RIF1: variants seen among roughly 807,000 people sequenced by gnomAD.
RIF1 encodes telomere-associated protein RIF1.
RIF1 carries 45 observed loss-of-function variants against 247.1 expected under a neutral mutation model. That is an observed-to-expected ratio of 0.18 (90% CI 0.14 to 0.23). RIF1 has a LOEUF of 0.23. RIF1 is among the 10% of genes least tolerant of loss of function. The pLI, the probability that RIF1 is intolerant of heterozygous loss-of-function variation, is 1.00. For synonymous variants in RIF1, 1,087 were observed against 978.8 expected (o/e 1.11, Z -2.06); for missense variants, 2,967 against 2,862.5 (o/e 1.04, Z -0.83).
At chr2:151,500,588 TCTTC>T (rs1019102569) in intron 11 of RIF1, among the ~76,000 whole-genome samples, 3 of 144,194 alleles carry the variant, frequency 2.1e-5, no homozygotes, top group African/African-American at 7.4e-5. Flanking sequence ...AAGATTTCTT[TCTTC>T]CTTTTTTTTT....
intron 10 of RIF1, chr2:151,497,762 T>C: frequency 1.3e-6 from 2 of 1,550,716 alleles, no homozygotes; most frequent in Non-Finnish European, 1.7e-6. Flanking sequence ...ATGAGTAACA[T>C]TTCATTTCTT....
At chr2:151,500,330 A>G (rs996401074) in intron 11 of RIF1, among the ~76,000 whole-genome samples, 6 of 152,172 alleles carry the variant, frequency 3.9e-5, no homozygotes, top group Non-Finnish European at 8.8e-5. Context: ...CCAGAAAAAA[A>G]TCCATCTAAA....
chr2:151,416,392 A>C (rs1687230468), intron 4 of RIF1, among the ~76,000 whole-genome samples, 169 bp from the exon 5 acceptor site: 1 of 152,024 alleles, frequency 6.6e-6, no homozygotes, highest in Admixed American at 6.6e-5. Context: ...TCTAATCTGA[A>C]TTTTGTGTTT....
downstream of RIF1, chr2:151,485,813 G>A: frequency 6.2e-7 from 1 of 1,614,012 alleles, no homozygotes; most frequent in Non-Finnish European, 8.5e-7. Flanking sequence ...CCAGTCCTCT[G>A]CACAGTGCCA....
chr2:151,457,938 A>C lies in RIF1; in HGVS notation c.2830A>C (p.Met944Leu). ...GAATGCCACTTTTGCCAAAGTGATG[A>C]TGTTGGTTTATCCTGAAGAGTTAAA... is the stretch of plus-strand genomic sequence containing the variant. ...FWNATFAKVM[M>L]LVYPEELKPV... The change falls in exon 24 of 36, where the codon ATG (methionine) becomes CTG (leucine). Residue 944 changes from methionine (M) to leucine (L), a missense_variant. Met to Leu is a conservative substitution (Grantham distance 15). Coordinates refer to ENST00000444746, the MANE Select transcript of RIF1 (RefSeq NM_018151.5). The C allele has an allele frequency of 6.2e-7, 1 of 1,613,756 alleles. No individual in the cohort carries two copies. The highest frequency in any genetic ancestry group is 1.1e-5 in the South Asian group (1 of 91,066).
At position 151,463,374 on chromosome 2, in the gene RIF1, A is replaced by C. The variant is rs990908579; in HGVS notation, c.3854A>C (p.Lys1285Thr). The change falls in exon 30 of 36, where the codon AAG (lysine) becomes ACG (threonine). Residue 1285 changes from lysine to threonine, a missense_variant. Physicochemically the swap from Lys to Thr is moderately conservative, Grantham distance 78. This residue lies in a region of RIF1 where 2,028 missense variants were observed against 1,825.6 expected (regional missense o/e 1.11). Coordinates refer to ENST00000444746, the MANE Select transcript of RIF1 (RefSeq NM_018151.5). The stretch of plus-strand genomic sequence containing the variant: ...TCTGAAAAAATAGTGAATGGAACTA[A>C]GAGATCAAGCCGGAGAGCTGGTAAA... ...SDSEKIVNGT[K>T]RSSRRAGKAE... The C allele has an allele frequency of 1.9e-6, 3 of 1,613,960 alleles. No homozygotes were observed. The highest frequency in any genetic ancestry group is 2.5e-6 in the Non-Finnish European group (3 of 1,180,002).
Position 151,441,885 on chromosome 2 carries a change from A to C in RIF1, c.1648-20A>C. ...ATATTTTTACGGCTAATTTACTGTA[A>C]AACCTTTTATCTCTCATAGGTCCTC... On this transcript the variant is annotated intron_variant, in intron 15 of 35. Coordinates refer to ENST00000444746, the MANE Select transcript of RIF1 (RefSeq NM_018151.5). The C allele has an allele frequency of 8.1e-7, 1 of 1,242,200 alleles. No individual in the cohort carries two copies. 76.9% of individuals were successfully genotyped at this position (1,242,200 alleles called of 1,614,324 possible). A position where few individuals can be genotyped will look rare whatever the true frequency, so the allele number is the denominator to read the frequency against.
intron 11 of RIF1, chr2:151,502,852 G>A: frequency 6.2e-7 from 1 of 1,606,112 alleles, no homozygotes; most frequent in African/African-American, 1.3e-5. Context: ...ATAGGTGTTG[G>A]GATTCCTTTC....
chr2:151,485,455 T>C, downstream of RIF1: 1 of 230,548 alleles, frequency 4.3e-6, no homozygotes, highest in Non-Finnish European at 8.4e-6. Flanking sequence ...TGAACATCTC[T>C]GCTATTTTTC....
chr2:151,485,866 T>A (rs1559062038), downstream of RIF1: 1 of 1,613,982 alleles, frequency 6.2e-7, no homozygotes. Context: ...TATGATGGCA[T>A]CTCCATCCTT....
chr2:151,525,353 C>T, the RIF1 span: 4 of 1,017,968 alleles, frequency 3.9e-6, no homozygotes, highest in Admixed American at 2.0e-5. Context: ...GTGAAATCTC[C>T]AGGAAAATCC....
the RIF1 span, chr2:151,514,364 G>A: frequency 5.0e-6 from 8 of 1,613,652 alleles, no homozygotes; most frequent in African/African-American, 6.7e-5. Context: ...CATGTCAGGT[G>A]TATCTTCCAT....
At chr2:151,490,682 T>A (rs2055727790) in intron 9 of RIF1, among the ~76,000 whole-genome samples, 1 of 152,234 alleles carries the variant, frequency 6.6e-6, no homozygotes, top group African/African-American at 2.4e-5. Flanking sequence ...GGTTTGTCTT[T>A]CTTATTTTTA....
chr2:151,514,515 A>G, the RIF1 span: 2 of 1,067,556 alleles, frequency 1.9e-6, no homozygotes, highest in African/African-American at 1.6e-5. Flanking sequence ...AACAATTCCA[A>G]TTTTTAAAGG....
In RIF1 at chr2:151,478,560, CTG is replaced by C. The variant is rs1370115018; in HGVS notation, c.*3491_*3492del. The C allele has an allele frequency of 1.3e-5, 2 of 150,490 alleles. No homozygotes were observed. Among genetic ancestry groups the C allele is most frequent in the African/African-American group, 4.9e-5 (2 of 40,846 alleles). 9.3% of individuals were successfully genotyped at this position (150,490 alleles called of 1,614,324 possible). On this transcript the variant is annotated 3_prime_UTR_variant, in exon 36 of 36. Coordinates refer to ENST00000444746, the MANE Select transcript of RIF1 (RefSeq NM_018151.5). ...CTTGAAGATAAGATAGTTAAAGACT[CTG>C]TTACAATTTAAACATCATAAAAATG...
At position 151,420,361 on chromosome 2, in the gene RIF1, G is replaced by A. The variant is rs377766617; in HGVS notation, c.675G>A (p.Thr225=). The A allele has an allele frequency of 1.1e-5, 18 of 1,614,034 alleles. No individual in the cohort carries two copies. Among genetic ancestry groups the A allele is most frequent in the Middle Eastern group, 1.6e-4 (1 of 6,062 alleles). Residue 225 remains threonine (T), a synonymous_variant, in exon 7 of 36, where the codon ACG becomes ACA. Coordinates refer to ENST00000444746, the MANE Select transcript of RIF1 (RefSeq NM_018151.5). ...AACAGCAAGAAATAGCATCTATTACGGAGCAGCTTATGACTACTGTGAGTG... is the reference window on the plus strand; with the variant it reads ...AACAGCAAGAAATAGCATCTATTACAGAGCAGCTTATGACTACTGTGAGTG... The part of the protein sequence containing the change: ...LQKQQEIASI[T]EQLMTTKLIS...
rs185442219 is a variant in RIF1, at chr2:151,441,028, T to A, written c.1648-877T>A. Among the ~76,000 whole-genome samples, 31 of 152,282 alleles carry A rather than the reference T, an allele frequency of 2.0e-4. No homozygotes were observed. In the East Asian group the frequency reaches 5.8e-3, roughly 28 times the overall value. The stretch of plus-strand genomic sequence containing the variant: ...ACCACTGGGCATGGTGGCTCACATC[T>A]GTAATCCCAGCACTTTGGGAGGGCA... On this transcript the variant is annotated intron_variant, in intron 15 of 35. Transcript: ENST00000444746.
rs374029795 is a variant in RIF1 at position 151,506,178 on chromosome 2, G to A, written c.*862-32G>A. On this transcript the variant is annotated intron_variant and NMD_transcript_variant, in intron 12 of 13. Transcript: ENST00000454583. ...ACTGTGTCTTTACCGAGCTAATGTGGTCCTGTGTTTGTTTCACTCTCATCA... is the reference window on the plus strand; with the variant it reads ...ACTGTGTCTTTACCGAGCTAATGTGATCCTGTGTTTGTTTCACTCTCATCA... 2.5e-6 allele frequency: 4 copies of A among 1,611,680 alleles called. No individual in the cohort carries two copies. The highest frequency in any genetic ancestry group is 3.4e-6 in the Non-Finnish European group (4 of 1,177,746).
At chr2:151,484,531 G>A (rs1274259198), downstream of RIF1, among the ~76,000 whole-genome samples, 1 of 152,252 alleles carries the variant, frequency 6.6e-6, no homozygotes, top group African/African-American at 2.4e-5. Context: ...AGGAGGGAGA[G>A]GTTGCAGTGA....
Sources: allele counts gnomAD v4.1 joint callset (sites outside exome capture counted in the v4.1 genomes callset), GRCh38; gene constraint gnomAD v4.1.1; regional missense constraint gnomAD v4.1.1; transcripts MANE v1.5; gene names NCBI Gene and HGNC (gene_info 2026-07-23, HGNC 2026-07-21).